Variants in SCART1 observed in about 807,000 individuals in gnomAD.
The protein encoded by SCART1 is scavenger receptor family member expressed on T cells 1.
In SCART1, 62 loss-of-function variants were observed where a neutral mutation model predicts 36.2. That is an observed-to-expected ratio of 1.71 (90% CI 1.40 to 2.12). SCART1 has a LOEUF of 2.12. Ranked by LOEUF, SCART1 falls within the 30% of genes most tolerant of loss-of-function variation. The pLI is 0.00. For synonymous variants in SCART1, 487 were observed against 238.7 expected, an observed-to-expected ratio of 2.04 and a Z score of -9.59; for missense variants, 1,041 against 540.5, an observed-to-expected ratio of 1.93 and a Z score of -9.18.
Position 133,457,595 on chromosome 10 carries a change from T to G in SCART1, c.682+20T>G, listed in dbSNP as rs1309598332. On this transcript the variant is annotated intron_variant, in intron 3 of 11. Coordinates refer to ENST00000640237, the Ensembl canonical transcript of SCART1. ...GCTCAGGTGAGGCTGCCACCTGATGTTCCCAGTGACCCTTGGGATGATGCT... is the reference window on the plus strand; with the variant it reads ...GCTCAGGTGAGGCTGCCACCTGATGGTCCCAGTGACCCTTGGGATGATGCT... 1.5e-6 allele frequency: 1 copy of G among 672,614 alleles called. No homozygotes were observed. Among genetic ancestry groups the G allele is most frequent in the African/African-American group, 1.8e-5 (1 of 56,206 alleles). 41.7% of individuals were successfully genotyped at this position (672,614 alleles called of 1,614,324 possible).
At chr10:133,455,614 G>C (rs1439762789) in intron 1 of SCART1, among the ~76,000 whole-genome samples, 1 of 152,076 alleles carries the variant, frequency 6.6e-6, no homozygotes, top group Admixed American at 6.5e-5. Flanking sequence ...CAGAGGCCTG[G>C]AGAGGGTGGT....
chr10:133,465,531 C>T (rs770762080), exon 9 of SCART1: 3 of 525,460 alleles, frequency 5.7e-6, no homozygotes, highest in Non-Finnish European at 9.9e-6. Flanking sequence ...GCGGAGACCG[C>T]GCGCACGAGG....
chr10:133,461,697 G>A (rs2251083), intron 6 of SCART1, among the ~76,000 whole-genome samples: 101,460 of 151,886 alleles, frequency 0.67, 36,168 homozygotes, highest in Non-Finnish European at 0.8. Flanking sequence ...CTTTATTCTC[G>A]GCAGCTTGTT....
downstream of SCART1, among the ~76,000 whole-genome samples, chr10:133,469,597 G>C (rs1850796079): frequency 6.6e-6 from 1 of 152,024 alleles, no homozygotes; most frequent in Non-Finnish European, 1.5e-5. Flanking sequence ...CTGTCAGGGG[G>C]TGGGGGGCTA....
At chr10:133,459,428 G>A in intron 5 of SCART1, 59 bp from the exon 6 acceptor site, 1 of 616,902 alleles carries the variant, frequency 1.6e-6, no homozygotes, top group Non-Finnish European at 2.9e-6. Context: ...GCCCTGCTGG[G>A]GGGTGGTCCT....
intron 6 of SCART1, among the ~76,000 whole-genome samples, chr10:133,463,025 A>T (rs1850720078): frequency 6.6e-6 from 1 of 152,228 alleles, no homozygotes; most frequent in Non-Finnish European, 1.5e-5. Context: ...TTCTCCAAGT[A>T]TCCTGGTATA....
intron 9 of SCART1, chr10:133,465,933 C>A: frequency 1.5e-6 from 1 of 672,098 alleles, no homozygotes; most frequent in Non-Finnish European, 2.7e-6. Context: ...TGGTAACTTT[C>A]CCTGAGCCAC....
At chr10:133,465,066 C>A in intron 7 of SCART1, 40 bp from the exon 8 acceptor site, 1 of 702,718 alleles carries the variant, frequency 1.4e-6, no homozygotes, top group South Asian at 1.5e-5. Flanking sequence ...TGAAGCTTCT[C>A]TGGGCACCGA....
intron 10 of SCART1, chr10:133,466,953 G>C (rs778175337): frequency 4.5e-4 from 187 of 420,138 alleles, no homozygotes; most frequent in Middle Eastern, 2.5e-3. Context: ...ACCCTAGAAG[G>C]TTCCCCCAGG....
At chr10:133,459,061 C>T (rs146237653) in exon 5 of SCART1, 48 of 700,122 alleles carry the variant, frequency 6.9e-5, no homozygotes, top group South Asian at 1.0e-4. Flanking sequence ...GTGAGGGCCG[C>T]GTGGAGTTCC....
Position 133,459,920 on chromosome 10 carries a change from C to T in SCART1, c.1719C>T (p.His573=), listed in dbSNP as rs139259653. Reference sequence around the variant, plus strand: ...CTGGCCGCGGGGCCGGGGCGCTGCACGGGGGCGCGTGGGGCACCGTGTGTG... The same window carrying T: ...CTGGCCGCGGGGCCGGGGCGCTGCATGGGGGCGCGTGGGGCACCGTGTGTG... Residue 573 remains histidine (H), a synonymous_variant, in exon 6 of 12, where the codon CAC becomes CAT. Transcript: ENST00000640237. 1.7e-3 allele frequency: 931 copies of T among 532,384 alleles called. 18 individuals carry two copies. In the East Asian group the frequency reaches 0.027, roughly 15 times the overall value. 33.0% of individuals were successfully genotyped at this position (532,384 alleles called of 1,614,324 possible). A position where few individuals can be genotyped will look rare whatever the true frequency, so the allele number is the denominator to read the frequency against.
chr10:133,461,686 T>C (rs1850703602), intron 6 of SCART1, among the ~76,000 whole-genome samples: 1 of 152,154 alleles, frequency 6.6e-6, no homozygotes, highest in Non-Finnish European at 1.5e-5. Context: ...CATTTTTGTG[T>C]CTTTATTCTC....
intron 6 of SCART1, among the ~76,000 whole-genome samples, chr10:133,461,798 C>T (rs966216349): frequency 1.3e-5 from 2 of 152,230 alleles, no homozygotes; most frequent in African/African-American, 2.4e-5. Flanking sequence ...CTAGAACATT[C>T]TGCTGGTTTC....
intron 2 of SCART1, 41 bp downstream of exon 2, chr10:133,456,595 G>A (rs1166659956): frequency 3.2e-6 from 2 of 619,736 alleles, no homozygotes; most frequent in Admixed American, 5.1e-5. Flanking sequence ...TGAGGAGGAG[G>A]AGGAGTGGGA....
chr10:133,464,328 CGTGCAGTGAACCTGGGT>C, intron 6 of SCART1: 1 of 138,964 alleles, frequency 7.2e-6, no homozygotes, highest in Non-Finnish European at 1.5e-5. Flanking sequence ...TGAACCTGGG[CGTGCAGTGAACCTGGGT>C]GCTGCAGTGA....
intron 6 of SCART1, among the ~76,000 whole-genome samples, chr10:133,460,770 A>G (rs1413904694): frequency 6.7e-6 from 1 of 149,820 alleles, no homozygotes; most frequent in African/African-American, 2.5e-5. Flanking sequence ...TTTTTTTGAC[A>G]AGATCTTGGT....
In SCART1 at chr10:133,458,921, C is replaced by T. The variant is rs916336486; in HGVS notation, c.980-100C>T. On this transcript the variant is annotated intron_variant, in intron 4 of 11. Coordinates refer to ENST00000640237, the Ensembl canonical transcript of SCART1. ...GAGCTGGTGAGACCAAGGCTGGGCT[C>T]TGTGCCCATCCCACTGGGTGTGAAG... 4.8e-6 allele frequency: 3 copies of T among 622,642 alleles called. No homozygotes were observed. In the African/African-American group the frequency reaches 5.5e-5, roughly 11 times the overall value. The allele number at this position is 622,642 out of a possible 1,614,324, so 38.6% of individuals were successfully genotyped here.
chr10:133,468,980 A>C (rs989878750), exon 12 of SCART1: 1 of 152,130 alleles, frequency 6.6e-6, no homozygotes, highest in African/African-American at 2.4e-5. Flanking sequence ...ATATTTGCTA[A>C]TTTACACTCC....
intron 1 of SCART1, 141 bp from the exon 2 acceptor site, chr10:133,456,096 T>A: frequency 1.7e-6 from 1 of 603,846 alleles, no homozygotes. Context: ...GCCCATCACC[T>A]CTCTGGGACT....
Sources: gnomAD v4.1 joint callset for allele counts (sites outside exome capture counted in the v4.1 genomes callset) on GRCh38, gnomAD v4.1.1 for gene constraint, MANE v1.5 for transcripts, NCBI Gene and HGNC (gene_info 2026-07-23, HGNC 2026-07-21) for gene names.